RCC2: variants seen among roughly 807,000 people sequenced by gnomAD.
The protein encoded by RCC2 is regulator of chromosome condensation 2.
Under a neutral mutation model 64.1 loss-of-function variants are expected in RCC2, and 19 were observed. The observed-to-expected ratio is 0.30, with a 90% confidence interval of 0.21 to 0.44. The LOEUF is 0.44. Ranked by LOEUF, RCC2 falls within the 20% of genes least tolerant of loss-of-function variation. The pLI is 1.00. For synonymous variants in RCC2, 325 were observed against 279.6 expected (o/e 1.16, Z -1.62); for missense variants, 508 against 710.4 (o/e 0.72, Z 3.24).
At position 17,409,026 on chromosome 1, in the gene RCC2, C is replaced by T; in HGVS notation, c.*64G>A. 8.2e-7 allele frequency: 1 copy of T among 1,224,386 alleles called. No homozygotes were observed. The highest frequency in any genetic ancestry group is 1.2e-6 in the Non-Finnish European group (1 of 825,606). 75.8% of individuals were successfully genotyped at this position (1,224,386 alleles called of 1,614,324 possible). A position where few individuals can be genotyped will look rare whatever the true frequency, so the allele number is the denominator to read the frequency against. On this transcript the variant is annotated 3_prime_UTR_variant, in exon 13 of 13. Coordinates refer to ENST00000375436, the MANE Select transcript of RCC2 (RefSeq NM_018715.4). ...TTAAATTCCTCGTTTGACTTCCCGTCCCAGTGCACATGGAAATGACAGCTG... is the reference window on the plus strand; with the variant it reads ...TTAAATTCCTCGTTTGACTTCCCGTTCCAGTGCACATGGAAATGACAGCTG...
chr1:17,425,132 G>T (rs561695323), intron 4 of RCC2, among the ~76,000 whole-genome samples: 1 of 152,276 alleles, frequency 6.6e-6, no homozygotes, highest in Non-Finnish European at 1.5e-5. Flanking sequence ...AGGTAGAAAA[G>T]CCAGTGGCAT....
intron 2 of RCC2, 148 bp from the exon 3 acceptor site, chr1:17,429,347 C>T (rs1308997661): frequency 2.3e-5 from 15 of 657,458 alleles, no homozygotes; most frequent in South Asian, 1.1e-4. Flanking sequence ...AGTCTCCCCA[C>T]ACTCCCCTCC....
intron 8 of RCC2, 56 bp downstream of exon 8, chr1:17,416,424 A>C (rs1195302739): frequency 6.5e-7 from 1 of 1,549,172 alleles, no homozygotes; most frequent in Non-Finnish European, 8.8e-7. Context: ...ACTTGAGCAT[A>C]AACACCCCTT....
At chr1:17,413,347 C>T (rs556868782) in intron 9 of RCC2, among the ~76,000 whole-genome samples, 169 bp from the exon 10 acceptor site, 11 of 152,240 alleles carry the variant, frequency 7.2e-5, no homozygotes, top group Non-Finnish European at 1.2e-4. Context: ...CTACTCAGGA[C>T]GCTGTGGTGG....
intron 1 of RCC2, among the ~76,000 whole-genome samples, chr1:17,438,998 A>C (rs1257766016): frequency 6.6e-6 from 1 of 151,122 alleles, no homozygotes; most frequent in Non-Finnish European, 1.5e-5. Context: ...TCTCCCCCCA[A>C]ACCCACTCAT....
At chr1:17,411,783 T>A (rs1269567491) in intron 11 of RCC2, among the ~76,000 whole-genome samples, 1 of 152,168 alleles carries the variant, frequency 6.6e-6, no homozygotes, top group Non-Finnish European at 1.5e-5. Context: ...ACTGTGAGTT[T>A]CCCACTGACT....
chr1:17,422,620 C>T, intron 5 of RCC2, 85 bp downstream of exon 5: 2 of 1,530,602 alleles, frequency 1.3e-6, no homozygotes, highest in South Asian at 2.4e-5. Flanking sequence ...ACAAGGGGAA[C>T]TCCACCACCC....
chr1:17,409,331 C>T (rs1456071496), intron 12 of RCC2, 137 bp from the exon 13 acceptor site: 1 of 651,130 alleles, frequency 1.5e-6, no homozygotes, highest in Middle Eastern at 2.5e-4. Context: ...GCAAAAAGCC[C>T]CTCTGCCCAA....
chr1:17,438,836 C>A (rs1284141471), intron 1 of RCC2, among the ~76,000 whole-genome samples: 1 of 152,178 alleles, frequency 6.6e-6, no homozygotes, highest in Non-Finnish European at 1.5e-5. Context: ...ACCTCGCCCC[C>A]CAAAAGTAAA....
In RCC2 at chr1:17,409,079, C is replaced by G; in HGVS notation, c.*11G>C. 6.3e-7 allele frequency: 1 copy of G among 1,587,474 alleles called. No homozygotes were observed. The highest frequency in any genetic ancestry group is 8.7e-7 in the Non-Finnish European group (1 of 1,155,778). On this transcript the variant is annotated 3_prime_UTR_variant, in exon 13 of 13. Coordinates refer to ENST00000375436, the MANE Select transcript of RCC2 (RefSeq NM_018715.4). ...GCGAGAGGTGTGGAGTCGGAGGAGT[C>G]TCCGGGAGCATCAGAGGGTTCGGGG...
In RCC2 at chr1:17,425,265, C is replaced by T. The variant is rs140110103; in HGVS notation, c.523+276G>A. Among the ~76,000 whole-genome samples the T allele has an allele frequency of 1.1e-3, 162 of 152,140 alleles. 2 individuals are homozygous for T. The highest frequency in any genetic ancestry group is 3.6e-3 in the African/African-American group (151 of 41,500). ...CTCAGTATCAGAAAAGATCAAGCTT[C>T]GGGCAGAAGATTCAGGAAAATGTTC... On this transcript the variant is annotated intron_variant, in intron 4 of 12. Transcript: ENST00000375436.
intron 2 of RCC2, among the ~76,000 whole-genome samples, chr1:17,434,130 C>T (rs1269945045): frequency 6.6e-6 from 1 of 152,202 alleles, no homozygotes; most frequent in African/African-American, 2.4e-5. Flanking sequence ...TAGTGTGACA[C>T]TGCCATCAAT....
chr1:17,429,356 C>T lies in RCC2; in HGVS notation c.286-157G>A, dbSNP rs1291207066. Among the ~76,000 whole-genome samples, 5 of 152,230 alleles carry T rather than the reference C, an allele frequency of 3.3e-5. No homozygotes were observed. The East Asian group carries it at 9.6e-4, about 29-fold the overall frequency. On this transcript the variant is annotated intron_variant, in intron 2 of 12. Transcript: ENST00000375436. ...GAACAGAGTCTCCCCACACTCCCCTCCCTCATCGGCAAGTGGCAATGCGGG... is the reference window on the plus strand; with the variant it reads ...GAACAGAGTCTCCCCACACTCCCCTTCCTCATCGGCAAGTGGCAATGCGGG...
rs371179585 is a variant in RCC2 at position 17,409,226 on chromosome 1, G to A, written c.1465-32C>T. The A allele has an allele frequency of 3.8e-5, 53 of 1,385,374 alleles. No individual in the cohort carries two copies. In the Middle Eastern group the frequency reaches 5.3e-4, roughly 14 times the overall value. The allele number at this position is 1,385,374 out of a possible 1,614,324, so 85.8% of individuals were successfully genotyped here. On this transcript the variant is annotated intron_variant, in intron 12 of 12. Coordinates refer to ENST00000375436, the MANE Select transcript of RCC2 (RefSeq NM_018715.4). ...GGACAAATCAGCGTTGGGTGTGCCT[G>A]AGGCGCCTGGACTAATCAATGCGTT...
intron 2 of RCC2, among the ~76,000 whole-genome samples, chr1:17,430,168 C>T (rs1352509079): frequency 2.0e-5 from 3 of 152,134 alleles, no homozygotes; most frequent in East Asian, 1.9e-4. Flanking sequence ...CTTTCCTGGA[C>T]GTGAAAAGGA....
intron 8 of RCC2, among the ~76,000 whole-genome samples, chr1:17,415,191 G>T (rs1392180991): frequency 2.6e-5 from 4 of 152,142 alleles, no homozygotes; most frequent in Non-Finnish European, 5.9e-5. Context: ...TCAGTTTTTG[G>T]ACTTGCACAA....
At position 17,413,151 on chromosome 1, in the gene RCC2, T is replaced by C. The variant is rs1184961221; in HGVS notation, c.1235A>G (p.Asn412Ser). 7.4e-6 allele frequency: 12 copies of C among 1,613,972 alleles called. No individual in the cohort carries two copies. The highest frequency in any genetic ancestry group is 1.7e-5 in the Admixed American group (1 of 59,998). Residue 412 changes from asparagine (N) to serine (S), a missense_variant, in exon 10 of 13, where the codon AAC becomes AGC. This residue lies in a region of RCC2 where 179 missense variants were observed against 322.0 expected (regional missense o/e 0.56). Coordinates refer to ENST00000375436, the MANE Select transcript of RCC2 (RefSeq NM_018715.4). ...GTACATGGTAGATTCACGGGAGGTGTTGGTGGCCCCCCAGAAAAACAGACC... is the reference window on the plus strand; with the variant it reads ...GTACATGGTAGATTCACGGGAGGTGCTGGTGGCCCCCCAGAAAAACAGACC... ...VGGLFFWGAT[N>S]TSRESTMYPK...
chr1:17,414,646 C>G (rs568663672), intron 8 of RCC2, among the ~76,000 whole-genome samples: 1 of 151,976 alleles, frequency 6.6e-6, no homozygotes. Context: ...CTTTTCCCCC[C>G]CTCGAGAGGG....
intron 11 of RCC2, among the ~76,000 whole-genome samples, chr1:17,410,583 G>A (rs538250171): frequency 7.9e-5 from 12 of 152,322 alleles, no homozygotes; most frequent in Admixed American, 6.5e-4. Flanking sequence ...ATGAATTGGC[G>A]CAGCTAAGGG....
Sources: allele counts gnomAD v4.1 joint callset (sites outside exome capture counted in the v4.1 genomes callset), GRCh38; gene constraint gnomAD v4.1.1; regional missense constraint gnomAD v4.1.1; transcripts MANE v1.5; gene names NCBI Gene and HGNC (gene_info 2026-07-23, HGNC 2026-07-21).